Variants in ROBO1 observed in about 807,000 individuals in gnomAD.
ROBO1 encodes roundabout guidance receptor 1.
Under a neutral mutation model 195.9 loss-of-function variants are expected in ROBO1, and 149 were observed. The observed-to-expected ratio is 0.76, with a 90% CI of 0.67 to 0.87. The LOEUF is 0.87. ROBO1 is among the 40% of genes least tolerant of loss of function. ROBO1 has a pLI of 0.00. For synonymous variants in ROBO1, 816 were observed against 733.2 expected (o/e 1.11, Z -1.82); for missense variants, 1,933 against 2,068.3 (o/e 0.93, Z 1.27).
chr3:79,458,917 C>G (rs1029623522), intron 2 of ROBO1, among the ~76,000 whole-genome samples: 1 of 151,904 alleles, frequency 6.6e-6, no homozygotes, highest in African/African-American at 2.4e-5. Context: ...GAAACCCAAA[C>G]AAAACTTTCT....
chr3:79,033,844 G>C (rs957509185), intron 3 of ROBO1, among the ~76,000 whole-genome samples: 1 of 151,924 alleles, frequency 6.6e-6, no homozygotes, highest in Admixed American at 6.6e-5. Flanking sequence ...GCTTTTTCTG[G>C]AGCATTTGTA....
chr3:79,415,094 A>G (rs1405675857), intron 2 of ROBO1, among the ~76,000 whole-genome samples: 1 of 152,168 alleles, frequency 6.6e-6, no homozygotes, highest in East Asian at 1.9e-4. Flanking sequence ...CTAACCATAT[A>G]AATACATCCT....
intron 3 of ROBO1, among the ~76,000 whole-genome samples, chr3:79,081,695 C>T (rs537769646): frequency 6.6e-6 from 1 of 152,284 alleles, no homozygotes; most frequent in East Asian, 1.9e-4. Flanking sequence ...AGACCTTTAG[C>T]TGTTTTTGCA....
At chr3:79,415,112 G>A (rs1004314997) in intron 2 of ROBO1, among the ~76,000 whole-genome samples, 1 of 152,054 alleles carries the variant, frequency 6.6e-6, no homozygotes, top group Non-Finnish European at 1.5e-5. Flanking sequence ...CCTGACTCAC[G>A]GAAGTTAATG....
intron 4 of ROBO1, among the ~76,000 whole-genome samples, chr3:78,915,510 ATT>A (rs914363334): frequency 8.5e-5 from 13 of 152,166 alleles, no homozygotes; most frequent in Non-Finnish European, 1.5e-5. Flanking sequence ...ATTTCCACAC[ATT>A]TTAAGAATGA....
At chr3:78,634,458 CT>C (rs368427855) in intron 23 of ROBO1, 1 of 307,232 alleles carries the variant, frequency 3.3e-6, no homozygotes, top group African/African-American at 2.2e-5. Context: ...AAATGATAAG[CT>C]TGCCACTGGA....
At chr3:79,350,412 T>C (rs550188241) in intron 2 of ROBO1, among the ~76,000 whole-genome samples, 1 of 152,312 alleles carries the variant, frequency 6.6e-6, no homozygotes, top group East Asian at 1.9e-4. Context: ...TAACATAGTG[T>C]TATCATTTTG....
intron 2 of ROBO1, among the ~76,000 whole-genome samples, chr3:79,535,269 A>G (rs1941813511): frequency 6.6e-6 from 1 of 152,130 alleles, no homozygotes; most frequent in Admixed American, 6.6e-5. Flanking sequence ...CATTTTTTAT[A>G]AGTCCAAAAA....
At chr3:78,732,942 G>A (rs1173994509) in intron 5 of ROBO1, among the ~76,000 whole-genome samples, 1 of 152,078 alleles carries the variant, frequency 6.6e-6, no homozygotes, top group Non-Finnish European at 1.5e-5. Context: ...GTACCATCTG[G>A]TAGTAATTTT....
intron 3 of ROBO1, among the ~76,000 whole-genome samples, chr3:79,075,698 G>C (rs1166090459): frequency 6.6e-6 from 1 of 151,906 alleles, no homozygotes; most frequent in Non-Finnish European, 1.5e-5. Context: ...AGAGCCCAAA[G>C]TCAGGTCCAG....
intron 14 of ROBO1, among the ~76,000 whole-genome samples, chr3:78,665,973 A>G (rs1320437028): frequency 2.6e-5 from 4 of 151,064 alleles, no homozygotes; most frequent in Non-Finnish European, 5.9e-5. Flanking sequence ...CCTAATCCCC[A>G]TGTGTCACGG....
chr3:79,193,750 C>G (rs576796346), intron 2 of ROBO1, among the ~76,000 whole-genome samples: 2 of 151,354 alleles, frequency 1.3e-5, no homozygotes, highest in South Asian at 2.1e-4. Context: ...CAATGAATTA[C>G]AGAGACAGGA....
chr3:78,873,516 C>T lies in ROBO1; in HGVS notation c.499+65085G>A, dbSNP rs376419826. Among the ~76,000 whole-genome samples the T allele has an allele frequency of 6.6e-5, 10 of 152,088 alleles. No homozygotes were observed. In the South Asian group the frequency reaches 1.2e-3, roughly 19 times the overall value. On this transcript the variant is annotated intron_variant, in intron 4 of 30. Transcript: ENST00000464233. Reference sequence around the variant, plus strand: ...TGTTTAATTACTTGTCATGTGCTTGCGACCAAGTAAACCTCTTCTTACCTA... The same window carrying T: ...TGTTTAATTACTTGTCATGTGCTTGTGACCAAGTAAACCTCTTCTTACCTA...
At chr3:78,872,546 A>G (rs916949755) in intron 4 of ROBO1, among the ~76,000 whole-genome samples, 9 of 152,204 alleles carry the variant, frequency 5.9e-5, no homozygotes, top group Admixed American at 3.9e-4. Flanking sequence ...AGTGAGAAGG[A>G]TTAGTTTCTT....
intron 3 of ROBO1, among the ~76,000 whole-genome samples, chr3:79,064,724 A>G (rs2078977274): frequency 6.6e-6 from 1 of 151,928 alleles, no homozygotes; most frequent in African/African-American, 2.4e-5. Context: ...TTGGCTTACC[A>G]TCTCATTCTG....
chr3:79,581,476 T>G (rs1251352147), intron 2 of ROBO1, among the ~76,000 whole-genome samples: 1 of 152,182 alleles, frequency 6.6e-6, no homozygotes, highest in Non-Finnish European at 1.5e-5. Flanking sequence ...ATGTGTCTGT[T>G]AGTTTGCTTC....
At chr3:79,525,492 T>C in intron 2 of ROBO1, among the ~76,000 whole-genome samples, 1 of 148,470 alleles carries the variant, frequency 6.7e-6, no homozygotes, top group South Asian at 2.1e-4. Context: ...TACATGTATA[T>C]TTTATCCATA....
chr3:79,055,404 G>A (rs1357115542), intron 3 of ROBO1, among the ~76,000 whole-genome samples: 1 of 152,008 alleles, frequency 6.6e-6, no homozygotes, highest in Non-Finnish European at 1.5e-5. Context: ...GAAGTTTGAG[G>A]GCTGATGTTT....
At chr3:79,157,139 T>C (rs1210208843) in intron 2 of ROBO1, among the ~76,000 whole-genome samples, 7 of 151,936 alleles carry the variant, frequency 4.6e-5, no homozygotes, top group African/African-American at 1.4e-4. Flanking sequence ...TCTCTCTCTT[T>C]GCTTATTTTG....
Sources: allele counts gnomAD v4.1 joint callset (sites outside exome capture counted in the v4.1 genomes callset), GRCh38; gene constraint gnomAD v4.1.1; transcripts MANE v1.5; gene names NCBI Gene and HGNC (gene_info 2026-07-23, HGNC 2026-07-21).